ZNF236: variants seen among roughly 807,000 people sequenced by gnomAD.
The protein encoded by ZNF236 is zinc finger protein 236.
In ZNF236, 50 loss-of-function variants were observed where a neutral mutation model predicts 191.2. The ratio of observed to expected loss-of-function variants is 0.26; its 90% CI spans 0.21 to 0.33. ZNF236 has a LOEUF of 0.33. Among genes scored for constraint, ZNF236 ranks in the 10% least tolerant of loss-of-function variants. The probability of loss-of-function intolerance (pLI) is 1.00; values close to 1 mark genes in which losing one functional copy is unlikely to be tolerated. For missense variants in ZNF236, 1,754 were observed against 2,374.5 expected, an observed-to-expected ratio of 0.74 and a Z score of 5.43; for synonymous variants, 907 against 928.8, an observed-to-expected ratio of 0.98 and a Z score of 0.43.
intron 1 of ZNF236, among the ~76,000 whole-genome samples, chr18:76,834,025 T>G (rs1359099931): frequency 6.6e-6 from 1 of 152,170 alleles, no homozygotes; most frequent in African/African-American, 2.4e-5. Flanking sequence ...AGATTCAGTT[T>G]CTTTAGTATA....
Position 76,899,238 on chromosome 18 carries a change from G to C in ZNF236, c.1894+16G>C, listed in dbSNP as rs575779412. 1.3e-6 allele frequency: 2 copies of C among 1,599,384 alleles called. No individual in the cohort carries two copies. Among genetic ancestry groups the C allele is most frequent in the African/African-American group, 2.7e-5 (2 of 74,760 alleles). On this transcript the variant is annotated intron_variant, in intron 11 of 30. Transcript: ENST00000320610. ...ACTGACTTAGGTAAGATGGATTGTA[G>C]GGCGTCTTTATAATTTATTGAGTAC...
intron 27 of ZNF236, among the ~76,000 whole-genome samples, chr18:76,948,912 A>G (rs563668928): frequency 3.4e-4 from 52 of 152,222 alleles, no homozygotes; most frequent in Non-Finnish European, 6.5e-4. Flanking sequence ...ACTATGTGGC[A>G]TTGCCCAAGG....
intron 14 of ZNF236, among the ~76,000 whole-genome samples, 186 bp from the exon 15 acceptor site, chr18:76,909,882 A>G (rs184062295): frequency 3.7e-4 from 56 of 152,308 alleles, no homozygotes; most frequent in Middle Eastern, 3.4e-3. Context: ...GCTTTCAGGG[A>G]TGGTATTCTA....
chr18:76,876,884 C>T (rs1976732976), intron 6 of ZNF236, among the ~76,000 whole-genome samples: 4 of 152,130 alleles, frequency 2.6e-5, no homozygotes, highest in African/African-American at 9.7e-5. Flanking sequence ...CTAAAGGGCC[C>T]AGAGACTCAC....
At chr18:76,907,144 A>G (rs749939842) in intron 13 of ZNF236, among the ~76,000 whole-genome samples, 2 of 152,118 alleles carry the variant, frequency 1.3e-5, no homozygotes, top group Non-Finnish European at 2.9e-5. Context: ...TATGCGACAC[A>G]TTTTTGTTCT....
chr18:76,843,418 A>C (rs1229638329), intron 1 of ZNF236, among the ~76,000 whole-genome samples: 1 of 152,238 alleles, frequency 6.6e-6, no homozygotes, highest in Non-Finnish European at 1.5e-5. Context: ...AGCTGTGTTA[A>C]AACCTGAACG....
chr18:76,900,248 A>G (rs1599377306), intron 11 of ZNF236, among the ~76,000 whole-genome samples: 2 of 152,182 alleles, frequency 1.3e-5, no homozygotes, highest in East Asian at 3.8e-4. Context: ...GATGATCAAC[A>G]GCCATAAACT....
Position 76,880,289 on chromosome 18 carries a change from A to G in ZNF236, c.1161A>G (p.Thr387=), listed in dbSNP as rs745621561. The G allele has an allele frequency of 3.3e-5, 54 of 1,613,492 alleles. No individual in the cohort carries two copies. Among genetic ancestry groups the G allele is most frequent in the Non-Finnish European group, 4.5e-5 (53 of 1,179,688 alleles). The stretch of plus-strand genomic sequence containing the variant: ...AGCCTGGGCAGCAGCTGAGCATCAC[A>G]GTGGGCATCAACCAGGACATTTTAC... The part of the protein sequence containing the change: ...SPQPGQQLSI[T]VGINQDILQQ... The change falls in exon 8 of 31, where the codon ACA becomes ACG. Residue 387 remains threonine, a synonymous_variant. Transcript: ENST00000320610. This position sits in a 1 kb window ranked among gnomAD's most constrained non-coding sequence, Gnocchi z 5.0.
At chr18:76,847,473 TA>T (rs1280467637) in intron 1 of ZNF236, among the ~76,000 whole-genome samples, 2 of 151,888 alleles carry the variant, frequency 1.3e-5, no homozygotes, top group South Asian at 2.1e-4. Flanking sequence ...TTTATTTATT[TA>T]TTTTTTTTTT....
chr18:76,878,723 C>A (rs1343821460), intron 7 of ZNF236, among the ~76,000 whole-genome samples: 1 of 152,086 alleles, frequency 6.6e-6, no homozygotes, highest in Non-Finnish European at 1.5e-5. Context: ...ACCCTCTCAA[C>A]AGATTAATAA....
At chr18:76,847,902 T>G (rs1568193362) in intron 1 of ZNF236, among the ~76,000 whole-genome samples, 1 of 152,260 alleles carries the variant, frequency 6.6e-6, no homozygotes, top group Non-Finnish European at 1.5e-5. Flanking sequence ...GAATAAAAAT[T>G]ATGCATATCT....
In ZNF236 at chr18:76,899,206, C is replaced by T. The variant is rs762660872; in HGVS notation, c.1878C>T (p.Ile626=). The change falls in exon 11 of 31, where the codon ATC becomes ATT. Residue 626 remains isoleucine, a synonymous_variant. Transcript: ENST00000320610. ...CTGATATTCCTTTGCAGGAACCAAT[C>T]CTCATAACTGACTTAGGTAAGATGG... ...PVPDIPLQEP[I]LITDLGLIQP... 6.2e-7 allele frequency: 1 copy of T among 1,613,586 alleles called. No homozygotes were observed. The highest frequency in any genetic ancestry group is 1.7e-4 in the Middle Eastern group (1 of 6,058).
chr18:76,822,960 C>A (rs1307624287), intron 1 of ZNF236, among the ~76,000 whole-genome samples: 3 of 148,470 alleles, frequency 2.0e-5, no homozygotes, highest in Non-Finnish European at 3.0e-5. Flanking sequence ...CCTGCGCGCG[C>A]CCTGCCCCCG....
In ZNF236 at chr18:76,864,794, C is replaced by T. The variant is rs957981464; in HGVS notation, c.364-3891C>T. On this transcript the variant is annotated intron_variant, in intron 3 of 30. Transcript: ENST00000320610. ...TACTTCTCTCAAGGTGGTAAAATGT[C>T]AATGCCAGTAGATTGTGATAAGTTC... Among the ~76,000 whole-genome samples, 3 of 151,810 alleles carry T rather than the reference C, an allele frequency of 2.0e-5. No homozygotes were observed. In the South Asian group the frequency reaches 6.3e-4, roughly 32 times the overall value.
chr18:76,833,968 G>A (rs1226220003), intron 1 of ZNF236, among the ~76,000 whole-genome samples: 2 of 152,106 alleles, frequency 1.3e-5, no homozygotes, highest in African/African-American at 4.8e-5. Context: ...TGGGATTACA[G>A]GCATGAGCCA....
intron 21 of ZNF236, among the ~76,000 whole-genome samples, chr18:76,924,828 A>G (rs898048978): frequency 5.9e-5 from 9 of 152,234 alleles, no homozygotes; most frequent in Non-Finnish European, 1.2e-4. Flanking sequence ...TTGTAAAATT[A>G]AAGAAAAGTG....
intron 9 of ZNF236, among the ~76,000 whole-genome samples, chr18:76,883,603 CT>C (rs894901597): frequency 7.2e-5 from 11 of 151,920 alleles, no homozygotes; most frequent in African/African-American, 2.7e-4. Flanking sequence ...AAAAACACTT[CT>C]TTTTGTAGAG....
chr18:76,875,574 A>G lies in ZNF236; in HGVS notation c.750A>G (p.Thr250=), dbSNP rs1246320352. The change falls in exon 6 of 31, where the codon ACA becomes ACG. Residue 250 remains threonine (T), a synonymous_variant. Transcript: ENST00000320610. This position sits in a 1 kb window ranked among gnomAD's most constrained non-coding sequence, Gnocchi z 4.3. ...GALQTHMIKH[T]GEKPHACAFC... is the part of the protein sequence containing the mutation. ...TGCAGACCCACATGATCAAGCACAC[A>G]GGTGAAAAACCCCATGCCTGTGCCT... is the stretch of plus-strand genomic sequence containing the variant. 3 of 1,607,306 alleles carry G rather than the reference A, an allele frequency of 1.9e-6. No individual in the cohort carries two copies. Among genetic ancestry groups the G allele is most frequent in the Non-Finnish European group, 1.7e-6 (2 of 1,176,578 alleles).
rs1380204555 is a variant in ZNF236 at position 76,915,790 on chromosome 18, A to G, written c.3205A>G (p.Lys1069Glu). Reference sequence around the variant, plus strand: ...GGGTTTCCGAACTACAGTGCATTGTAAAAAGCACATGAAGAGACACCAAAC... The same window carrying G: ...GGGTTTCCGAACTACAGTGCATTGTGAAAAGCACATGAAGAGACACCAAAC... The part of the protein sequence containing the change: ...EEGFRTTVHC[K>E]KHMKRHQTVP... Residue 1069 changes from lysine to glutamate, a missense_variant, in exon 19 of 31, where the codon AAA becomes GAA. This residue lies in a region of ZNF236 where 641 missense variants were observed against 869.6 expected (regional missense o/e 0.74). Transcript: ENST00000320610. 6.2e-7 allele frequency: 1 copy of G among 1,614,222 alleles called. No individual in the cohort carries two copies.
Sources: allele counts gnomAD v4.1 joint callset (sites outside exome capture counted in the v4.1 genomes callset), GRCh38; gene constraint gnomAD v4.1.1; regional missense constraint gnomAD v4.1.1; non-coding constraint Gnocchi (gnomAD v3.1); transcripts MANE v1.5; gene names NCBI Gene and HGNC (gene_info 2026-07-23, HGNC 2026-07-21).